The following GOLM2 variants were observed in gnomAD, a reference collection of about 807,000 sequenced individuals.
The protein encoded by GOLM2 is protein GOLM2.
In GOLM2, 26 loss-of-function variants were observed where a neutral mutation model predicts 55.9. The ratio of observed to expected loss-of-function variants is 0.47; its 90% CI spans 0.34 to 0.65. The LOEUF (loss-of-function observed/expected upper bound fraction) is 0.65, where lower values mean the gene tolerates loss of function less well. GOLM2 is among the 30% of genes least tolerant of loss of function. The pLI, the probability that GOLM2 is intolerant of heterozygous loss-of-function variation, is 0.01. For synonymous variants in GOLM2, 165 were observed against 194.6 expected (o/e 0.85, Z 1.27); for missense variants, 486 against 531.8 (o/e 0.91, Z 0.85).
At chr15:44,291,062 C>T (rs1016714029) in intron 1 of GOLM2, among the ~76,000 whole-genome samples, 3 of 150,754 alleles carry the variant, frequency 2.0e-5, no homozygotes, top group Non-Finnish European at 2.9e-5. Context: ...CTCAGCCTCC[C>T]AAAGTGCTGG....
Position 44,403,047 on chromosome 15 carries a change from C to T in GOLM2, c.1233C>T (p.Asp411=), listed in dbSNP as rs544193260. 1.2e-5 allele frequency: 19 copies of T among 1,614,016 alleles called. No homozygotes were observed. In the East Asian group the frequency reaches 2.2e-4, roughly 19 times the overall value. ...EEEDGDGGEE[D]VQDDEERELQ... ...AAGATGGTGATGGTGGAGAGGAAGA[C>T]GTCCAAGGTGAGCGTGGGCCTGGCC... The change falls in exon 9 of 10, where the codon GAC becomes GAT. Residue 411 remains aspartate, a synonymous_variant. Coordinates refer to ENST00000299957, the MANE Select transcript of GOLM2 (RefSeq NM_138423.4).
chr15:44,387,183 GAAAAAAAAAAAA>G (rs766969483), intron 8 of GOLM2: 6 of 88,822 alleles, frequency 6.8e-5, no homozygotes, highest in African/African-American at 1.2e-4. Context: ...ACCTTGTCTG[GAAAAAAAAAAAA>G]AAAAAAAAAG....
At chr15:44,366,254 G>A (rs1421099170) in intron 6 of GOLM2, among the ~76,000 whole-genome samples, 6 of 145,546 alleles carry the variant, frequency 4.1e-5, no homozygotes, top group Admixed American at 1.4e-4. Flanking sequence ...CAGAGATCAC[G>A]CCGCTGCACT....
At chr15:44,349,787 A>G (rs2079149584) in intron 6 of GOLM2, among the ~76,000 whole-genome samples, 1 of 152,238 alleles carries the variant, frequency 6.6e-6, no homozygotes, top group Non-Finnish European at 1.5e-5. Context: ...CGTTATATCA[A>G]GTATCTTCTC....
chr15:44,366,701 A>T (rs2079288045), intron 6 of GOLM2, among the ~76,000 whole-genome samples: 1 of 151,964 alleles, frequency 6.6e-6, no homozygotes, highest in Non-Finnish European at 1.5e-5. Context: ...AAAGATAGGA[A>T]GATTATGTCT....
At chr15:44,338,446 G>C in intron 6 of GOLM2, 129 bp downstream of exon 6, 1 of 657,018 alleles carries the variant, frequency 1.5e-6, no homozygotes, top group Non-Finnish European at 2.5e-6. Flanking sequence ...ACTTAATTAA[G>C]TACCCATTAA....
intron 8 of GOLM2, among the ~76,000 whole-genome samples, chr15:44,400,574 C>CGTTTT (rs1411083873): frequency 1.8e-5 from 2 of 111,022 alleles, no homozygotes; most frequent in Admixed American, 8.9e-5. Context: ...GCCTTGCCGC[C>CGTTTT]TTTTTTTTTT....
intron 6 of GOLM2, among the ~76,000 whole-genome samples, chr15:44,378,163 C>T (rs1239794866): frequency 3.3e-5 from 5 of 151,432 alleles, no homozygotes; most frequent in Admixed American, 3.3e-4. Context: ...ATTCTCCTGC[C>T]TCAGCCTCCC....
At chr15:44,389,080 A>G (rs2079469771) in intron 8 of GOLM2, among the ~76,000 whole-genome samples, 1 of 151,966 alleles carries the variant, frequency 6.6e-6, no homozygotes, top group Admixed American at 6.6e-5. Context: ...GCCTCCCAAA[A>G]TGCTGAGATT....
At chr15:44,350,909 C>G (rs2079157369) in intron 6 of GOLM2, among the ~76,000 whole-genome samples, 1 of 152,086 alleles carries the variant, frequency 6.6e-6, no homozygotes, top group Admixed American at 6.5e-5. Context: ...GAGAAAGCAT[C>G]TGATAAAATT....
At position 44,390,751 on chromosome 15, in the gene GOLM2, T is replaced by G. The variant is rs2079482182; in HGVS notation, c.1072+9775T>G. Among the ~76,000 whole-genome samples, 4 of 151,956 alleles carry G rather than the reference T, an allele frequency of 2.6e-5. No individual in the cohort carries two copies. The South Asian group carries it at 8.3e-4, about 32-fold the overall frequency. On this transcript the variant is annotated intron_variant, in intron 8 of 9. Coordinates refer to ENST00000299957, the MANE Select transcript of GOLM2 (RefSeq NM_138423.4). ...CGCCCGGCTAATGTTATATTTTTAG[T>G]AGAGACGGGGTTTCTCCATGTTGGT... is the stretch of plus-strand genomic sequence containing the variant.
chr15:44,355,536 T>A (rs1444312119), intron 6 of GOLM2: 1 of 161,926 alleles, frequency 6.2e-6, no homozygotes, highest in East Asian at 1.9e-4. Flanking sequence ...TTGTCCCCTG[T>A]GACTTTAACG....
intron 2 of GOLM2, among the ~76,000 whole-genome samples, chr15:44,327,466 G>A (rs1365706642): frequency 6.6e-6 from 1 of 152,012 alleles, no homozygotes; most frequent in African/African-American, 2.4e-5. Context: ...TATTTTTGGA[G>A]TGCTTTTAGA....
At chr15:44,397,478 CAAAAAAAAAA>C in intron 8 of GOLM2, among the ~76,000 whole-genome samples, 1 of 32,560 alleles carries the variant, frequency 3.1e-5, no homozygotes, top group African/African-American at 1.2e-4. Context: ...GACTCCGTCT[CAAAAAAAAAA>C]AAAAAAAAAA....
At chr15:44,408,912 C>T (rs1413174814) in intron 9 of GOLM2, among the ~76,000 whole-genome samples, 6 of 151,910 alleles carry the variant, frequency 3.9e-5, no homozygotes, top group Non-Finnish European at 5.9e-5. Context: ...TGCAGTGAGC[C>T]GAGATCGCCT....
At chr15:44,305,964 C>A (rs2078834078) in intron 1 of GOLM2, among the ~76,000 whole-genome samples, 1 of 152,086 alleles carries the variant, frequency 6.6e-6, no homozygotes. Context: ...TTTGTTGTTC[C>A]ATTTATAGAG....
intron 6 of GOLM2, among the ~76,000 whole-genome samples, chr15:44,369,188 G>C (rs1217648304): frequency 8.3e-6 from 1 of 121,160 alleles, no homozygotes; most frequent in Non-Finnish European, 1.6e-5. Context: ...TTAGATATGT[G>C]TGTGTATATA....
intron 6 of GOLM2, among the ~76,000 whole-genome samples, chr15:44,378,547 T>TG (rs1044078553): frequency 3.4e-5 from 5 of 148,690 alleles, no homozygotes; most frequent in Admixed American, 6.8e-5. Context: ...TTAGTAGAGA[T>TG]GGGGTTTCAC....
At chr15:44,349,943 A>C (rs1270955819) in intron 6 of GOLM2, among the ~76,000 whole-genome samples, 1 of 152,246 alleles carries the variant, frequency 6.6e-6, no homozygotes, top group Non-Finnish European at 1.5e-5. Flanking sequence ...ATCTTGAAAC[A>C]AACATAATGG....
Sources: gnomAD v4.1 joint callset for allele counts (sites outside exome capture counted in the v4.1 genomes callset) on GRCh38, gnomAD v4.1.1 for gene constraint, MANE v1.5 for transcripts, NCBI Gene and HGNC (gene_info 2026-07-23, HGNC 2026-07-21) for gene names.